COL5A1: variants seen among roughly 807,000 people sequenced by gnomAD.
The protein encoded by COL5A1 is collagen alpha-1(V) chain.
In COL5A1, 16 loss-of-function variants were observed where a neutral mutation model predicts 263.7. The ratio of observed to expected loss-of-function variants is 0.06; its 90% CI spans 0.04 to 0.09. The LOEUF is 0.09. COL5A1 is among the 10% of genes least tolerant of loss of function. COL5A1 has a pLI of 1.00. For synonymous variants in COL5A1, 1,012 were observed against 1,004.5 expected, an observed-to-expected ratio of 1.01 and a Z score of -0.14; for missense variants, 2,036 against 2,540.5, an observed-to-expected ratio of 0.80 and a Z score of 4.27.
chr9:134,752,103 G>T (rs530057325), intron 13 of COL5A1, among the ~76,000 whole-genome samples: 2 of 152,342 alleles, frequency 1.3e-5, no homozygotes, highest in Non-Finnish European at 2.9e-5. Context: ...ACATGCAGAG[G>T]GGGCAGGTGG....
At chr9:134,718,360 A>C (rs569688177) in intron 4 of COL5A1, among the ~76,000 whole-genome samples, 303 of 152,312 alleles carry the variant, frequency 2.0e-3, no homozygotes, top group Non-Finnish European at 3.5e-3. Flanking sequence ...ATGACCTGGC[A>C]GGGGGCAGAA....
intron 18 of COL5A1, among the ~76,000 whole-genome samples, chr9:134,761,049 C>G: frequency 6.7e-6 from 1 of 148,526 alleles, no homozygotes; most frequent in Non-Finnish European, 1.5e-5. Flanking sequence ...CCACACATGC[C>G]CACACTCACA....
intron 9 of COL5A1, among the ~76,000 whole-genome samples, chr9:134,737,426 G>T (rs1002546495): frequency 5.3e-5 from 8 of 152,186 alleles, no homozygotes; most frequent in African/African-American, 1.7e-4. Flanking sequence ...GAGTTCCTGG[G>T]TACCTCTTTG....
Position 134,777,937 on chromosome 9 carries a change from G to A in COL5A1, c.2386-2165G>A, listed in dbSNP as rs143203151. Among the ~76,000 whole-genome samples, 182 of 152,314 alleles carry A rather than the reference G, an allele frequency of 1.2e-3. 1 individual carries two copies. Among genetic ancestry groups the A allele is most frequent in the African/African-American group, 4.0e-3 (166 of 41,570 alleles). On this transcript the variant is annotated intron_variant, in intron 27 of 65. Transcript: ENST00000371817. ...TGATTGTATTCTCAGCCACACCTGC[G>A]ATTTTCCTGTGCGTTTCAGAGGAAA...
intron 44 of COL5A1, 99 bp downstream of exon 44, chr9:134,810,407 C>A: frequency 1.7e-6 from 2 of 1,183,402 alleles, no homozygotes; most frequent in Non-Finnish European, 2.5e-6. Context: ...TCCAACGTTG[C>A]TGATGACTAG....
In COL5A1 at chr9:134,647,549, G is replaced by A. The variant is rs1258537100; in HGVS notation, c.109+5253G>A. On this transcript the variant is annotated intron_variant, in intron 1 of 65. Coordinates refer to ENST00000371817, the MANE Select transcript of COL5A1 (RefSeq NM_000093.5). This position sits in a 1 kb window ranked among gnomAD's most constrained non-coding sequence, Gnocchi z 5.0. ...CATGGGTGTCCCTGGCTGACTCCAC[G>A]TGCAGGGCCTGGTGTGTTTGAGGAG... is the stretch of plus-strand genomic sequence containing the variant. Among the ~76,000 whole-genome samples the A allele has an allele frequency of 2.0e-5, 3 of 152,154 alleles. No homozygotes were observed. The highest frequency in any genetic ancestry group is 2.9e-5 in the Non-Finnish European group (2 of 68,040).
At position 134,796,416 on chromosome 9, in the gene COL5A1, C is replaced by T. The variant is rs1030105888; in HGVS notation, c.2842C>T (p.Arg948Trp). Residue 948 changes from arginine to tryptophan, a missense_variant and splice_region_variant, in exon 35 of 66, where the codon CGG becomes TGG. Physicochemically the swap from Arg to Trp is moderately radical, Grantham distance 101 (BLOSUM62 -3). Coordinates refer to ENST00000371817, the MANE Select transcript of COL5A1 (RefSeq NM_000093.5). Reference sequence around the variant, plus strand: ...CGGCCCAGCTGGCCCTCCTGGTGAACGGGTAAGCAGCTGGAGCCTTCGGGG... The same window carrying T: ...CGGCCCAGCTGGCCCTCCTGGTGAATGGGTAAGCAGCTGGAGCCTTCGGGG... ...GDGPAGPPGE[R>W]GPNGPQGPTG... 1.2e-5 allele frequency: 20 copies of T among 1,613,960 alleles called. No homozygotes were observed. Among genetic ancestry groups the T allele is most frequent in the South Asian group, 4.4e-5 (4 of 91,094 alleles).
At chr9:134,684,314 C>T (rs376747831) in intron 1 of COL5A1, among the ~76,000 whole-genome samples, 1 of 152,162 alleles carries the variant, frequency 6.6e-6, no homozygotes, top group Non-Finnish European at 1.5e-5. Flanking sequence ...TACAGATGTC[C>T]AGCAGCCCCC....
chr9:134,830,571 A>G (rs1839571316), intron 64 of COL5A1, among the ~76,000 whole-genome samples: 1 of 152,026 alleles, frequency 6.6e-6, no homozygotes, highest in African/African-American at 2.4e-5. Flanking sequence ...AGACCACTTA[A>G]GCCATTCAGA....
intron 51 of COL5A1, 36 bp downstream of exon 51, chr9:134,815,665 C>T (rs773834756): frequency 3.6e-5 from 58 of 1,607,754 alleles, no homozygotes; most frequent in Non-Finnish European, 4.8e-5. Context: ...CCGGATCCCC[C>T]ACAGTGCTGG....
Position 134,741,080 on chromosome 9 carries a change from C to T in COL5A1, c.1494+2272C>T, listed in dbSNP as rs749202589. Reference sequence around the variant, plus strand: ...TGTTCAGGAAGCCATCCCTGCTCACCGCTCAGCGCCCTCTTGATGTCCAGA... The same window carrying T: ...TGTTCAGGAAGCCATCCCTGCTCACTGCTCAGCGCCCTCTTGATGTCCAGA... On this transcript the variant is annotated intron_variant, in intron 11 of 65. Transcript: ENST00000371817. The surrounding 1 kb of genome is among the most constrained non-coding windows in gnomAD (Gnocchi z 4.5). 3.3e-5 allele frequency among the ~76,000 whole-genome samples: 5 copies of T among 152,196 alleles called. No homozygotes were observed. The highest frequency in any genetic ancestry group is 2.0e-4 in the Admixed American group (3 of 15,292).
At chr9:134,811,293 T>C (rs1479269669) in intron 44 of COL5A1, 46 bp from the exon 45 acceptor site, 1 of 1,588,904 alleles carries the variant, frequency 6.3e-7, no homozygotes, top group East Asian at 2.2e-5. Flanking sequence ...CTCAGCCTTA[T>C]CCACGATCCA....
chr9:134,720,399 C>T lies in COL5A1; in HGVS notation c.655-6867C>T, dbSNP rs76508330. 6.5e-4 allele frequency among the ~76,000 whole-genome samples: 99 copies of T among 152,320 alleles called. No homozygotes were observed. In the East Asian group the frequency reaches 0.017, roughly 26 times the overall value. On this transcript the variant is annotated intron_variant, in intron 4 of 65. Transcript: ENST00000371817. ...GCTCCACCAGGAGAGGAGGCTTCAT[C>T]GACCAATTTTCCTGGTCTGTAGTTT...
At chr9:134,645,919 G>A (rs1216459563) in intron 1 of COL5A1, among the ~76,000 whole-genome samples, 2 of 152,280 alleles carry the variant, frequency 1.3e-5, no homozygotes, top group African/African-American at 4.8e-5. Flanking sequence ...CAGCTTTTAA[G>A]TTCCTTTCTT....
At chr9:134,812,900 G>A (rs948942152) in intron 48 of COL5A1, among the ~76,000 whole-genome samples, 188 bp downstream of exon 48, 3 of 134,510 alleles carry the variant, frequency 2.2e-5, no homozygotes, top group Admixed American at 2.2e-4. Flanking sequence ...GGCATGGCTG[G>A]TTTATTCCTA....
intron 2 of COL5A1, among the ~76,000 whole-genome samples, chr9:134,692,383 G>A (rs74990953): frequency 0.11 from 16,602 of 152,160 alleles, 1,159 homozygotes; most frequent in Admixed American, 0.16. Context: ...CTGGAGGAGC[G>A]TTCATAAGCT....
Position 134,843,312 on chromosome 9 carries a change from A to AT in COL5A1, c.*1015dup, listed in dbSNP as rs1280757476. 9 of 152,408 alleles carry AT rather than the reference A, an allele frequency of 5.9e-5. No individual in the cohort carries two copies. The highest frequency in any genetic ancestry group is 1.9e-4 in the African/African-American group (8 of 41,332). 9.4% of individuals were successfully genotyped at this position (152,408 alleles called of 1,614,324 possible). ...AGAATGTCCAGGGCAGGGAAACCAC[A>AT]TTTTTTGTAGGTGATAACTCAATGA... On this transcript the variant is annotated 3_prime_UTR_variant, in exon 66 of 66. Coordinates refer to ENST00000371817, the MANE Select transcript of COL5A1 (RefSeq NM_000093.5).
At chr9:134,813,959 T>TA in intron 48 of COL5A1, 24 bp from the exon 49 acceptor site, 1 of 1,550,700 alleles carries the variant, frequency 6.4e-7, no homozygotes, top group Non-Finnish European at 8.7e-7. Context: ...ACCGCTGCCA[T>TA]AACCACATGC....
rs1026375576 is a variant in COL5A1, at chr9:134,772,710, A to G, written c.2287-80A>G. On this transcript the variant is annotated intron_variant, in intron 25 of 65. Transcript: ENST00000371817. ...AGGGAAATGGGCTCCATGATCATGGATGCTACGCAGGGAGGGGAAGCGAGG... is the reference window on the plus strand; with the variant it reads ...AGGGAAATGGGCTCCATGATCATGGGTGCTACGCAGGGAGGGGAAGCGAGG... 8 of 1,394,782 alleles carry G rather than the reference A, an allele frequency of 5.7e-6. No individual in the cohort carries two copies. In the African/African-American group the frequency reaches 1.1e-4, roughly 20 times the overall value. 86.4% of individuals were successfully genotyped at this position (1,394,782 alleles called of 1,614,324 possible). A position where few individuals can be genotyped will look rare whatever the true frequency, so the allele number is the denominator to read the frequency against.
Sources: gnomAD v4.1 joint callset for allele counts (sites outside exome capture counted in the v4.1 genomes callset) on GRCh38, gnomAD v4.1.1 for gene constraint, Gnocchi (gnomAD v3.1) non-coding constraint, MANE v1.5 for transcripts, NCBI Gene and HGNC (gene_info 2026-07-23, HGNC 2026-07-21) for gene names.